The following RIC3 variants were observed in gnomAD, a reference collection of about 807,000 sequenced individuals.
RIC3 encodes the protein RIC3 acetylcholine receptor chaperone, also known as protein RIC-3.
A neutral mutation model predicts 27.3 loss-of-function variants in RIC3; 28 were observed. The ratio of observed to expected loss-of-function variants is 1.02; its 90% confidence interval spans 0.76 to 1.41. The LOEUF (loss-of-function observed/expected upper bound fraction) is 1.41, where lower values mean the gene tolerates loss of function less well. RIC3 is among the 40% of genes most tolerant of loss of function. The pLI is 0.00. For missense variants in RIC3, 501 were observed against 444.7 expected (o/e 1.13, Z -1.14); for synonymous variants, 184 against 160.4 (o/e 1.15, Z -1.11).
At chr11:8,117,310 C>T (rs766521011) in intron 5 of RIC3, among the ~76,000 whole-genome samples, 3 of 152,216 alleles carry the variant, frequency 2.0e-5, no homozygotes, top group Admixed American at 2.0e-4. Context: ...AGCAATCCAC[C>T]TGCCTCGGCC....
chr11:8,101,840 G>C (rs763503882), downstream of RIC3: 1 of 476,128 alleles, frequency 2.1e-6, no homozygotes, highest in Non-Finnish European at 3.2e-6. Flanking sequence ...GAAGGGATGA[G>C]AATAATTCTT....
At chr11:8,128,750 CTTTTTTT>C (rs1177448703) in intron 4 of RIC3, among the ~76,000 whole-genome samples, 9 of 88,502 alleles carry the variant, frequency 1.0e-4, no homozygotes, top group African/African-American at 1.4e-4. Context: ...GTTGCAAAAA[CTTTTTTT>C]TTTTTTTTTT....
the RIC3 span, among the ~76,000 whole-genome samples, chr11:8,095,305 A>G: frequency 5.9e-5 from 9 of 152,222 alleles, no homozygotes; most frequent in East Asian, 5.8e-4. Flanking sequence ...GAAGAAATGA[A>G]GCCCACATCC....
At chr11:8,148,281 C>T (rs1043149299) in intron 1 of RIC3, among the ~76,000 whole-genome samples, 3 of 152,198 alleles carry the variant, frequency 2.0e-5, no homozygotes, top group Non-Finnish European at 4.4e-5. Flanking sequence ...CACCATGTCA[C>T]CACCCTTTAT....
intron 1 of RIC3, among the ~76,000 whole-genome samples, chr11:8,163,524 A>G (rs1175802373): frequency 6.6e-6 from 1 of 152,186 alleles, no homozygotes; most frequent in Admixed American, 6.5e-5. Context: ...AGACAAGTTC[A>G]GCGAGGTGAC....
intron 1 of RIC3, among the ~76,000 whole-genome samples, chr11:8,152,913 T>A (rs974338079): frequency 1.3e-5 from 2 of 152,116 alleles, no homozygotes; most frequent in Non-Finnish European, 2.9e-5. Context: ...GATAGGACTG[T>A]CTTTATATAG....
At chr11:8,112,050 C>T (rs1271065167) in intron 5 of RIC3, among the ~76,000 whole-genome samples, 1 of 152,194 alleles carries the variant, frequency 6.6e-6, no homozygotes, top group African/African-American at 2.4e-5. Context: ...TTGCCTACAA[C>T]TGTGACAAAT....
intron 4 of RIC3, among the ~76,000 whole-genome samples, chr11:8,132,424 C>A (rs1947853245): frequency 6.6e-6 from 1 of 152,084 alleles, no homozygotes; most frequent in South Asian, 2.1e-4. Flanking sequence ...GAAGAGAGGA[C>A]CAAAATCGTA....
intron 1 of RIC3, among the ~76,000 whole-genome samples, chr11:8,158,945 C>A (rs931370666): frequency 1.3e-5 from 2 of 150,256 alleles, no homozygotes; most frequent in African/African-American, 4.9e-5. Context: ...GTTGGCCAGG[C>A]TGGTCTTGAA....
intron 5 of RIC3, among the ~76,000 whole-genome samples, chr11:8,119,683 A>G (rs1286852904): frequency 1.3e-5 from 2 of 152,224 alleles, no homozygotes; most frequent in African/African-American, 2.4e-5. Context: ...ACAAAAGCCA[A>G]AACAGACAAA....
At chr11:8,139,823 A>T in intron 2 of RIC3, 144 bp downstream of exon 2, 1 of 704,748 alleles carries the variant, frequency 1.4e-6, no homozygotes, top group Non-Finnish European at 2.3e-6. Context: ...TATCCTAAGT[A>T]CCTCATGAAG....
chr11:8,153,917 G>T (rs920411066), intron 1 of RIC3, among the ~76,000 whole-genome samples: 2 of 152,138 alleles, frequency 1.3e-5, no homozygotes, highest in Admixed American at 6.5e-5. Context: ...ACTTAAGACG[G>T]TAGGCAACAA....
chr11:8,140,266 T>G, intron 1 of RIC3, 73 bp from the exon 2 acceptor site: 1 of 1,384,142 alleles, frequency 7.2e-7, no homozygotes, highest in South Asian at 1.4e-5. Context: ...ACCAAATCAT[T>G]AAGGTATAAA....
At chr11:8,130,498 C>A (rs1008972268) in intron 4 of RIC3, among the ~76,000 whole-genome samples, 3 of 152,140 alleles carry the variant, frequency 2.0e-5, no homozygotes, top group Non-Finnish European at 4.4e-5. Context: ...TCTGCCTCCT[C>A]GTACTCCAAA....
intron 4 of RIC3, among the ~76,000 whole-genome samples, chr11:8,133,712 T>A (rs1948016366): frequency 6.6e-6 from 1 of 152,180 alleles, no homozygotes; most frequent in African/African-American, 2.4e-5. Context: ...AGTGACAGCT[T>A]CTCTGCCTTT....
At chr11:8,101,856 G>GCTACGGCGA, downstream of RIC3, 3 of 482,860 alleles carry the variant, frequency 6.2e-6, no homozygotes, top group Non-Finnish European at 6.8e-6. Context: ...TTCTTTCCAT[G>GCTACGGCGA]CCACGAGATC....
At position 8,165,496 on chromosome 11, in the gene RIC3, T is replaced by C. The variant is rs183867606; in HGVS notation, c.124+3370A>G. 4.8e-3 allele frequency among the ~76,000 whole-genome samples: 732 copies of C among 152,228 alleles called. 13 individuals carry two copies. The highest frequency in any genetic ancestry group is 0.031 in the Admixed American group (468 of 15,302). ...CAGAACAGGCAAATCTATAGAGACA[T>C]AAAGTAGATGAGTGGTTGCCTAGGG... On this transcript the variant is annotated intron_variant, in intron 1 of 5. Coordinates refer to ENST00000309737, the MANE Select transcript of RIC3 (RefSeq NM_001206671.4).
intron 3 of RIC3, among the ~76,000 whole-genome samples, chr11:8,137,928 C>A (rs533803721): frequency 8.6e-4 from 128 of 149,064 alleles, no homozygotes; most frequent in African/African-American, 3.0e-3. Flanking sequence ...AAGTGTTAAA[C>A]TCTTTCCCTA....
downstream of RIC3, chr11:8,101,458 C>G: frequency 6.2e-7 from 1 of 1,613,720 alleles, no homozygotes; most frequent in African/African-American, 1.3e-5. Context: ...CTGTCCTTTT[C>G]TCTGTCTGTG....
Sources: gnomAD v4.1 joint callset for allele counts (sites outside exome capture counted in the v4.1 genomes callset) on GRCh38, gnomAD v4.1.1 for gene constraint, MANE v1.5 for transcripts, NCBI Gene and HGNC (gene_info 2026-07-23, HGNC 2026-07-21) for gene names.